MTSS1: variants seen among roughly 807,000 people sequenced by gnomAD.
MTSS1 encodes the protein MTSS I-BAR domain containing 1.
Under a neutral mutation model 79.0 loss-of-function variants are expected in MTSS1, and 18 were observed. That is an observed-to-expected ratio of 0.23 (90% CI 0.16 to 0.34). The LOEUF (loss-of-function observed/expected upper bound fraction) is 0.34. MTSS1 is among the 10% of genes least tolerant of loss of function. MTSS1 has a pLI of 1.00. For missense variants in MTSS1, 815 were observed against 986.2 expected, an observed-to-expected ratio of 0.83 and a Z score of 2.33; for synonymous variants, 341 against 368.6, an observed-to-expected ratio of 0.93 and a Z score of 0.86.
intron 1 of MTSS1, among the ~76,000 whole-genome samples, chr8:124,723,443 G>C (rs1833238234): frequency 6.6e-6 from 1 of 152,080 alleles, no homozygotes; most frequent in African/African-American, 2.4e-5. Flanking sequence ...AGAACATAAA[G>C]GTTCACAGCA....
At chr8:124,567,567 A>C in intron 7 of MTSS1, 1 of 1,332,136 alleles carries the variant, frequency 7.5e-7, no homozygotes, top group Non-Finnish European at 9.7e-7. Flanking sequence ...ACTTGGATAT[A>C]TTTTGGTCCA....
intron 3 of MTSS1, among the ~76,000 whole-genome samples, chr8:124,654,504 A>C (rs1820588399): frequency 6.6e-6 from 1 of 152,198 alleles, no homozygotes; most frequent in Admixed American, 6.5e-5. Context: ...TGATCAATCA[A>C]AATTCTGGAG....
intron 3 of MTSS1, among the ~76,000 whole-genome samples, chr8:124,690,862 A>G (rs376130768): frequency 6.6e-6 from 1 of 152,214 alleles, no homozygotes; most frequent in Non-Finnish European, 1.5e-5. Context: ...ATTTTTTTAA[A>G]TTTATAAAAT....
intron 9 of MTSS1, among the ~76,000 whole-genome samples, chr8:124,563,737 A>G (rs146441602): frequency 2.0e-4 from 30 of 152,324 alleles, no homozygotes; most frequent in African/African-American, 6.7e-4. Flanking sequence ...AGGGCAATCA[A>G]TGCTCAGCTG....
At position 124,565,658 on chromosome 8, in the gene MTSS1, T is replaced by C; in HGVS notation, c.824+4A>G. On this transcript the variant is annotated splice_donor_region_variant and intron_variant, in intron 9 of 13. Coordinates refer to ENST00000518547, the MANE Select transcript of MTSS1 (RefSeq NM_014751.6). ...AAGCAAGAGTGGACCCCGGCTTCAC[T>C]CACCTGCAGACACTGGACTTTCTGG... The C allele has an allele frequency of 1.2e-6, 2 of 1,612,716 alleles. No homozygotes were observed. Among genetic ancestry groups the C allele is most frequent in the Non-Finnish European group, 1.7e-6 (2 of 1,178,778 alleles).
intron 3 of MTSS1, among the ~76,000 whole-genome samples, chr8:124,603,132 T>C (rs553467623): frequency 1.3e-3 from 196 of 152,282 alleles, no homozygotes; most frequent in African/African-American, 4.4e-3. Context: ...TTCAAGCAAT[T>C]CTCCTGCCTC....
chr8:124,635,478 G>C (rs946348581), intron 3 of MTSS1, among the ~76,000 whole-genome samples: 4 of 152,212 alleles, frequency 2.6e-5, no homozygotes, highest in African/African-American at 9.6e-5. Context: ...TGTCAACAGA[G>C]ACATCTGTAA....
chr8:124,673,958 C>G (rs1824790478), intron 3 of MTSS1, among the ~76,000 whole-genome samples: 1 of 152,010 alleles, frequency 6.6e-6, no homozygotes, highest in African/African-American at 2.4e-5. Flanking sequence ...GGTCCTCTTC[C>G]TCAGAGAGCA....
rs1826404916 is a variant in MTSS1, at chr8:124,683,174, A to T, written c.208+16352T>A. Among the ~76,000 whole-genome samples the T allele has an allele frequency of 6.6e-6, 1 of 152,170 alleles. No individual in the cohort carries two copies. Among genetic ancestry groups the T allele is most frequent in the African/African-American group, 2.4e-5 (1 of 41,440 alleles). Reference sequence around the variant, plus strand: ...AAAGTAAGCAAAAAAAAAAGAAAAAAAGTTTCTTATACACAAATGTTTTAA... The same window carrying T: ...AAAGTAAGCAAAAAAAAAAGAAAAATAGTTTCTTATACACAAATGTTTTAA... On this transcript the variant is annotated intron_variant, in intron 3 of 13. Coordinates refer to ENST00000518547, the MANE Select transcript of MTSS1 (RefSeq NM_014751.6). This position sits in a 1 kb window ranked among gnomAD's most constrained non-coding sequence, Gnocchi z 4.5.
chr8:124,627,723 T>C (rs1238433431), intron 3 of MTSS1, among the ~76,000 whole-genome samples: 1 of 152,018 alleles, frequency 6.6e-6, no homozygotes, highest in Non-Finnish European at 1.5e-5. Context: ...AAGAGGAAGC[T>C]CAGCTAGGAG....
chr8:124,637,488 C>G (rs570414743), intron 3 of MTSS1, among the ~76,000 whole-genome samples: 1 of 152,316 alleles, frequency 6.6e-6, no homozygotes, highest in East Asian at 1.9e-4. Context: ...ACCCACGGCT[C>G]CAACATGGGC....
intron 5 of MTSS1, among the ~76,000 whole-genome samples, chr8:124,586,535 C>T (rs754881747): frequency 2.0e-5 from 3 of 152,182 alleles, no homozygotes; most frequent in Admixed American, 2.0e-4. Flanking sequence ...CCTCCCTCCC[C>T]CTACAAGCTC....
At chr8:124,636,715 T>C (rs1004887507) in intron 3 of MTSS1, among the ~76,000 whole-genome samples, 1 of 152,152 alleles carries the variant, frequency 6.6e-6, no homozygotes, top group Non-Finnish European at 1.5e-5. Flanking sequence ...AAGTCTTCCT[T>C]GACAATCCGA....
intron 3 of MTSS1, among the ~76,000 whole-genome samples, chr8:124,689,867 G>T (rs542844251): frequency 2.0e-5 from 3 of 152,224 alleles, no homozygotes; most frequent in African/African-American, 7.2e-5. Flanking sequence ...TGGCAGTGGG[G>T]ATGGGGTGGG....
chr8:124,584,236 GA>G (rs1422759481), intron 6 of MTSS1, among the ~76,000 whole-genome samples: 1 of 152,180 alleles, frequency 6.6e-6, no homozygotes, highest in Non-Finnish European at 1.5e-5. Context: ...ATCCCAACTC[GA>G]AAAGGTTGTC....
chr8:124,727,966 C>T lies in MTSS1; in HGVS notation c.-11G>A, dbSNP rs1348105544. On this transcript the variant is annotated 5_prime_UTR_variant, in exon 1 of 14. Transcript: ENST00000518547. This position sits in a 1 kb window ranked among gnomAD's most constrained non-coding sequence, Gnocchi z 4.7. ...AATCACAGCCTCCATTTTCCCGGCT[C>T]CGGCAGGGCGAGGGCACACACGCGG... 1 of 1,608,504 alleles carries T rather than the reference C, an allele frequency of 6.2e-7. No homozygotes were observed. The highest frequency in any genetic ancestry group is 2.3e-5 in the East Asian group (1 of 44,032).
chr8:124,671,106 T>C (rs528871671), intron 3 of MTSS1, among the ~76,000 whole-genome samples: 13 of 152,092 alleles, frequency 8.5e-5, no homozygotes, highest in Admixed American at 3.3e-4. Context: ...TTGGGGTAGA[T>C]TGCTCCAACC....
chr8:124,609,218 G>A (rs982639984), intron 3 of MTSS1, among the ~76,000 whole-genome samples: 1 of 152,182 alleles, frequency 6.6e-6, no homozygotes, highest in African/African-American at 2.4e-5. Context: ...AGGGTCTGCT[G>A]CTGGGACAGT....
At chr8:124,580,709 A>G (rs1563791697) in intron 6 of MTSS1, 1 of 804,216 alleles carries the variant, frequency 1.2e-6, no homozygotes, top group Non-Finnish European at 2.0e-6. Context: ...CAAATTTTCT[A>G]TTAGGGCTGA....
Sources: allele counts gnomAD v4.1 joint callset (sites outside exome capture counted in the v4.1 genomes callset), GRCh38; gene constraint gnomAD v4.1.1; non-coding constraint Gnocchi (gnomAD v3.1); transcripts MANE v1.5; gene names NCBI Gene and HGNC (gene_info 2026-07-23, HGNC 2026-07-21).